Variants in THEMIS observed in about 807,000 individuals in gnomAD.
THEMIS encodes protein THEMIS.
In THEMIS, 37 loss-of-function variants were observed where a neutral mutation model predicts 52.6. The ratio of observed to expected loss-of-function variants is 0.70; its 90% CI spans 0.54 to 0.93. THEMIS has a LOEUF of 0.93. Among genes scored for constraint, THEMIS ranks in the 40% least tolerant of loss-of-function variants. THEMIS has a pLI of 0.00. For synonymous variants in THEMIS, 292 were observed against 272.7 expected (o/e 1.07, Z -0.70); for missense variants, 808 against 763.1 (o/e 1.06, Z -0.69).
intron 1 of THEMIS, among the ~76,000 whole-genome samples, chr6:127,909,189 T>C (rs1480481949): frequency 3.9e-5 from 6 of 152,136 alleles, no homozygotes; most frequent in African/African-American, 1.4e-4. Context: ...ACCTGACAAA[T>C]GTATACATGA....
intron 2 of THEMIS, among the ~76,000 whole-genome samples, chr6:127,853,347 C>G (rs1779497377): frequency 6.6e-6 from 1 of 151,664 alleles, no homozygotes; most frequent in African/African-American, 2.4e-5. Flanking sequence ...TCATTAGTAT[C>G]ACACTGGGAG....
chr6:127,883,478 CAA>C (rs1170253292), intron 1 of THEMIS, among the ~76,000 whole-genome samples: 1 of 151,116 alleles, frequency 6.6e-6, no homozygotes, highest in Non-Finnish European at 1.5e-5. Flanking sequence ...TACATGTAGC[CAA>C]ACATACAAAT....
upstream of THEMIS, among the ~76,000 whole-genome samples, chr6:127,902,762 C>T (rs571735131): frequency 1.3e-5 from 2 of 151,976 alleles, no homozygotes; most frequent in African/African-American, 2.4e-5. Flanking sequence ...TACCCCTCCC[C>T]ACAGTTTACA....
At chr6:127,705,677 T>G (rs1267864091), downstream of THEMIS, among the ~76,000 whole-genome samples, 6 of 152,188 alleles carry the variant, frequency 3.9e-5, no homozygotes, top group Non-Finnish European at 8.8e-5. Flanking sequence ...TCACAGAATT[T>G]CTGTTCTCCC....
intron 4 of THEMIS, among the ~76,000 whole-genome samples, chr6:127,763,371 TTAAC>T (rs1400982945): frequency 3.3e-5 from 5 of 152,136 alleles, no homozygotes; most frequent in East Asian, 1.9e-4. Flanking sequence ...TATGACTAGA[TTAAC>T]TAACTAACAT....
chr6:127,909,128 A>G (rs1295205631), intron 1 of THEMIS, among the ~76,000 whole-genome samples: 1 of 152,104 alleles, frequency 6.6e-6, no homozygotes, highest in African/African-American at 2.4e-5. Context: ...AACTTAGGAT[A>G]TGTATTTATT....
intron 5 of THEMIS, among the ~76,000 whole-genome samples, chr6:127,718,780 G>T (rs371225921): frequency 2.0e-5 from 3 of 151,884 alleles, no homozygotes; most frequent in African/African-American, 7.2e-5. Flanking sequence ...CTCTCGGAGA[G>T]AGTCAATGAA....
upstream of THEMIS, among the ~76,000 whole-genome samples, chr6:127,901,564 T>C (rs1781135169): frequency 6.6e-6 from 1 of 152,098 alleles, no homozygotes. Context: ...AAAATTTTGC[T>C]GAATCTTAAA....
At chr6:127,707,526 G>C (rs2114438950), downstream of THEMIS, among the ~76,000 whole-genome samples, 2 of 152,262 alleles carry the variant, frequency 1.3e-5, no homozygotes, top group South Asian at 4.1e-4. Context: ...TAATCCAACA[G>C]AGATGACTGA....
chr6:127,764,198 C>A (rs1318428693), intron 4 of THEMIS, among the ~76,000 whole-genome samples: 4 of 151,904 alleles, frequency 2.6e-5, no homozygotes, highest in Non-Finnish European at 5.9e-5. Flanking sequence ...CCATTTAATA[C>A]TTATAAAACC....
intron 4 of THEMIS, among the ~76,000 whole-genome samples, chr6:127,787,206 T>C (rs1032615324): frequency 2.0e-5 from 3 of 152,116 alleles, no homozygotes; most frequent in Non-Finnish European, 4.4e-5. Context: ...TTTTAATATA[T>C]TCTAAATTTT....
intron 1 of THEMIS, among the ~76,000 whole-genome samples, chr6:127,866,132 G>C (rs537375146): frequency 6.6e-5 from 10 of 152,030 alleles, no homozygotes; most frequent in Non-Finnish European, 1.0e-4. Flanking sequence ...TTATACTTTA[G>C]ATTTTCTTCC....
At chr6:127,772,431 G>A (rs912948367) in intron 4 of THEMIS, among the ~76,000 whole-genome samples, 1 of 151,768 alleles carries the variant, frequency 6.6e-6, no homozygotes, top group Non-Finnish European at 1.5e-5. Flanking sequence ...TCTATTTATT[G>A]TATGTTTCTC....
chr6:127,813,203 G>T lies in THEMIS; in HGVS notation c.1438C>A (p.Gln480Lys). The change falls in exon 4 of 6, where the codon CAG becomes AAG. Residue 480 changes from glutamine to lysine, a missense_variant. Coordinates refer to ENST00000368248, the MANE Select transcript of THEMIS (RefSeq NM_001010923.3). ...EDVLAATPGL[Q>K]LEEDITDSYL... is the part of the protein sequence containing the mutation. ...GAGTCTGTAATGTCCTCCTCCAACTGCAGTCCTGGTGTGGCAGCCAACACG... is the reference window on the plus strand; with the variant it reads ...GAGTCTGTAATGTCCTCCTCCAACTTCAGTCCTGGTGTGGCAGCCAACACG... 1 of 1,614,002 alleles carries T rather than the reference G, an allele frequency of 6.2e-7. No homozygotes were observed. The highest frequency in any genetic ancestry group is 8.5e-7 in the Non-Finnish European group (1 of 1,179,972).
At chr6:127,735,836 A>G (rs1217246256) in intron 4 of THEMIS, among the ~76,000 whole-genome samples, 1 of 152,240 alleles carries the variant, frequency 6.6e-6, no homozygotes, top group Admixed American at 6.5e-5. Flanking sequence ...ATGATGATCA[A>G]TGATTCTTCC....
rs147473309 is a variant in THEMIS at position 127,850,416 on chromosome 6, A to G, written c.250+4614T>C. 1.5e-4 allele frequency among the ~76,000 whole-genome samples: 23 copies of G among 152,056 alleles called. 1 individual carries two copies. The East Asian group carries it at 3.9e-3, about 26-fold the overall frequency. ...TACTCAAAGGAAAAAAAGTCATTGT[A>G]TGAAAAAGACACATGCATACACATG... On this transcript the variant is annotated intron_variant, in intron 2 of 5. Transcript: ENST00000368248.
intron 4 of THEMIS, among the ~76,000 whole-genome samples, chr6:127,722,577 C>T (rs1336842923): frequency 6.6e-6 from 1 of 151,924 alleles, no homozygotes; most frequent in Non-Finnish European, 1.5e-5. Flanking sequence ...TACCTTCTTA[C>T]CCTGACGAAA....
chr6:127,752,199 C>A (rs1313423617), intron 4 of THEMIS, among the ~76,000 whole-genome samples: 3 of 151,354 alleles, frequency 2.0e-5, no homozygotes, highest in African/African-American at 7.3e-5. Flanking sequence ...TAAATACCTA[C>A]ATTAAAAAAG....
At chr6:127,720,676 T>A (rs1367005182) in intron 4 of THEMIS, among the ~76,000 whole-genome samples, 1 of 151,986 alleles carries the variant, frequency 6.6e-6, no homozygotes, top group African/African-American at 2.4e-5. Context: ...TCCTGTAAAG[T>A]TTCTCCTGTA....
Sources: allele counts gnomAD v4.1 joint callset (sites outside exome capture counted in the v4.1 genomes callset), GRCh38; gene constraint gnomAD v4.1.1; transcripts MANE v1.5; gene names NCBI Gene and HGNC (gene_info 2026-07-23, HGNC 2026-07-21).